The following PTK2B variants were observed in gnomAD, a reference collection of about 807,000 sequenced individuals.
PTK2B encodes the protein protein-tyrosine kinase 2-beta.
Under a neutral mutation model 142.9 loss-of-function variants are expected in PTK2B, and 71 were observed. That is an observed-to-expected ratio of 0.50 (90% CI 0.41 to 0.61). PTK2B has a LOEUF of 0.61. Ranked by LOEUF, PTK2B falls within the 20% of genes least tolerant of loss-of-function variation. The pLI is 0.00. For synonymous variants in PTK2B, 519 were observed against 503.4 expected (o/e 1.03, Z -0.42); for missense variants, 1,105 against 1,320.4 (o/e 0.84, Z 2.53).
intron 21 of PTK2B, 25 bp from the exon 22 acceptor site, chr8:27,442,850 C>T: frequency 4.4e-6 from 7 of 1,596,236 alleles, no homozygotes; most frequent in Non-Finnish European, 6.0e-6. Flanking sequence ...TAGTTTCTCT[C>T]CTTATCTGAC....
chr8:27,440,394 C>T lies in PTK2B; in HGVS notation c.1992C>T (p.Tyr664=), dbSNP rs767550701. Residue 664 remains tyrosine, a synonymous_variant, in exon 21 of 31, where the codon TAC becomes TAT. Coordinates refer to ENST00000346049, the MANE Select transcript of PTK2B (RefSeq NM_173176.3). ...LYTLMTRCWD[Y]DPSDRPRFTE... ...CCCTCATGACCCGCTGCTGGGACTA[C>T]GACCCCAGTGACCGGCCCCGCTTCA... 3.2e-5 allele frequency: 51 copies of T among 1,614,054 alleles called. No homozygotes were observed. In the Middle Eastern group the frequency reaches 9.9e-4, roughly 31 times the overall value.
rs563117614 is a variant in PTK2B, at chr8:27,419,118, T to A, written c.205-777T>A. ...GCAGCTGCCCGGTTGGCCCACCTGT[T>A]AATCCATCTCTGGCTCTAGGCCAGG... is the stretch of plus-strand genomic sequence containing the variant. On this transcript the variant is annotated intron_variant, in intron 2 of 30. Coordinates refer to ENST00000346049, the MANE Select transcript of PTK2B (RefSeq NM_173176.3). Among the ~76,000 whole-genome samples the A allele has an allele frequency of 3.3e-5, 5 of 152,322 alleles. No individual in the cohort carries two copies. In the East Asian group the frequency reaches 9.6e-4, roughly 29 times the overall value.
At chr8:27,424,336 G>A (rs905303514) in intron 5 of PTK2B, among the ~76,000 whole-genome samples, 4 of 152,184 alleles carry the variant, frequency 2.6e-5, no homozygotes, top group African/African-American at 7.2e-5. Flanking sequence ...CTGCACTAAT[G>A]TATTGGAGGA....
chr8:27,359,997 A>G (rs527309662), intron 1 of PTK2B, among the ~76,000 whole-genome samples: 28 of 152,194 alleles, frequency 1.8e-4, no homozygotes, highest in Non-Finnish European at 3.5e-4. Context: ...ACACTGCTTT[A>G]GATTTTTCCG....
chr8:27,430,235 C>A (rs976910607), intron 6 of PTK2B, 80 bp downstream of exon 6: 3 of 1,577,318 alleles, frequency 1.9e-6, no homozygotes, highest in Non-Finnish European at 2.6e-6. Context: ...TCCTCCACCC[C>A]TCCCCAGACC....
upstream of PTK2B, chr8:27,311,401 A>C (rs796958143): frequency 1.6e-4 from 127 of 812,708 alleles, no homozygotes; most frequent in African/African-American, 1.4e-3. Context: ...GGCGAGGGGG[A>C]GGGAGGGGGC....
chr8:27,375,457 T>G (rs1458088924), intron 1 of PTK2B, among the ~76,000 whole-genome samples: 1 of 152,130 alleles, frequency 6.6e-6, no homozygotes, highest in Non-Finnish European at 1.5e-5. Context: ...AAGCATGCCA[T>G]CATCATTTCT....
chr8:27,439,223 G>C, intron 19 of PTK2B, 86 bp from the exon 20 acceptor site: 1 of 1,564,346 alleles, frequency 6.4e-7, no homozygotes, highest in Non-Finnish European at 8.8e-7. Context: ...GGACAGCCCA[G>C]GCTAAGGGTC....
chr8:27,360,586 C>G (rs1300806181), intron 1 of PTK2B, among the ~76,000 whole-genome samples: 1 of 151,560 alleles, frequency 6.6e-6, no homozygotes. Flanking sequence ...TAGCTGGCTC[C>G]TGAACCGGTG....
At chr8:27,341,866 G>A (rs1483868428) in intron 1 of PTK2B, among the ~76,000 whole-genome samples, 1 of 152,072 alleles carries the variant, frequency 6.6e-6, no homozygotes, top group African/African-American at 2.4e-5. Context: ...TGTAGAGATG[G>A]AGTCTTGCTC....
chr8:27,380,005 G>A (rs1331822965), intron 1 of PTK2B, among the ~76,000 whole-genome samples: 1 of 152,236 alleles, frequency 6.6e-6, no homozygotes, highest in Non-Finnish European at 1.5e-5. Context: ...GCATCCCAAA[G>A]TGCTGGGATT....
chr8:27,329,727 T>C (rs1803629266), intron 1 of PTK2B, among the ~76,000 whole-genome samples: 1 of 152,046 alleles, frequency 6.6e-6, no homozygotes, highest in African/African-American at 2.4e-5. Context: ...TAGTGGTGAC[T>C]CTGCAACACT....
At chr8:27,443,341 G>A (rs1811276506) in intron 22 of PTK2B, among the ~76,000 whole-genome samples, 2 of 152,212 alleles carry the variant, frequency 1.3e-5, no homozygotes, top group South Asian at 4.1e-4. Flanking sequence ...ACCCCGCATG[G>A]CCACCCTGAG....
At chr8:27,347,895 C>T (rs746386368) in intron 1 of PTK2B, among the ~76,000 whole-genome samples, 5 of 152,220 alleles carry the variant, frequency 3.3e-5, no homozygotes, top group Non-Finnish European at 7.3e-5. Context: ...GCTTCTCTTT[C>T]AAAGCTGCTC....
chr8:27,453,317 G>T (rs554501902), intron 28 of PTK2B, among the ~76,000 whole-genome samples, 157 bp downstream of exon 28: 111 of 152,300 alleles, frequency 7.3e-4, no homozygotes, highest in African/African-American at 2.5e-3. Flanking sequence ...GTGGCGGGGT[G>T]CCTTGCCTAA....
chr8:27,378,403 C>A (rs973186515), intron 1 of PTK2B, among the ~76,000 whole-genome samples: 1 of 152,228 alleles, frequency 6.6e-6, no homozygotes, highest in African/African-American at 2.4e-5. Flanking sequence ...TGAACGATCA[C>A]TTTAAACAGT....
chr8:27,454,400 T>C, intron 29 of PTK2B, 109 bp downstream of exon 29: 1 of 1,555,250 alleles, frequency 6.4e-7, no homozygotes, highest in Admixed American at 1.8e-5. Flanking sequence ...TAGAGCAAGC[T>C]GGGCCAGGGG....
chr8:27,435,675 C>A, intron 13 of PTK2B, 68 bp from the exon 14 acceptor site: 1 of 1,576,558 alleles, frequency 6.3e-7, no homozygotes. Flanking sequence ...GGGAGCCCCA[C>A]ACCTGATTCC....
intron 1 of PTK2B, among the ~76,000 whole-genome samples, chr8:27,352,103 T>C (rs1586141898): frequency 6.6e-6 from 1 of 152,184 alleles, no homozygotes; most frequent in African/African-American, 2.4e-5. Flanking sequence ...GCGGGGGGGC[T>C]GCCTGTCCTC....
Sources: gnomAD v4.1 joint callset for allele counts (sites outside exome capture counted in the v4.1 genomes callset) on GRCh38, gnomAD v4.1.1 for gene constraint, MANE v1.5 for transcripts, NCBI Gene and HGNC (gene_info 2026-07-23, HGNC 2026-07-21) for gene names.